Variants in MYBPC1 observed in about 807,000 individuals in gnomAD.
MYBPC1 encodes the protein myosin binding protein C1.
MYBPC1 carries 52 observed loss-of-function variants against 147.1 expected under a neutral mutation model. That is an observed-to-expected ratio of 0.35 (90% CI 0.28 to 0.45). The LOEUF (loss-of-function observed/expected upper bound fraction) is 0.45, where lower values mean the gene tolerates loss of function less well. MYBPC1 is among the 20% of genes least tolerant of loss of function. MYBPC1 has a pLI of 1.00. For missense variants in MYBPC1, 1,228 were observed against 1,440.3 expected (o/e 0.85, Z 2.39); for synonymous variants, 477 against 475.9 (o/e 1.00, Z -0.03).
intron 3 of MYBPC1, among the ~76,000 whole-genome samples, chr12:101,626,088 CAAAAAAA>C (rs769008600): frequency 1.5e-4 from 8 of 55,076 alleles, no homozygotes; most frequent in Non-Finnish European, 2.8e-4. Flanking sequence ...AACTCTGTCT[CAAAAAAA>C]AAAAAAAAAA....
chr12:101,612,185 T>C (rs1028537486), intron 1 of MYBPC1, among the ~76,000 whole-genome samples: 10 of 152,144 alleles, frequency 6.6e-5, no homozygotes, highest in African/African-American at 2.2e-4. Flanking sequence ...AGTTCAATTA[T>C]AGAGCTCTTT....
At chr12:101,598,701 G>T (rs1286567935) in intron 1 of MYBPC1, among the ~76,000 whole-genome samples, 4 of 152,076 alleles carry the variant, frequency 2.6e-5, no homozygotes, top group Non-Finnish European at 5.9e-5. Flanking sequence ...AGCCTCCCCG[G>T]TAGCTAGGAC....
At chr12:101,674,626 T>C (rs1312190982) in intron 25 of MYBPC1, among the ~76,000 whole-genome samples, 1 of 151,844 alleles carries the variant, frequency 6.6e-6, no homozygotes. Flanking sequence ...ACCAGCACTT[T>C]GGGAGGTGGG....
rs2293467 is a variant in MYBPC1, at chr12:101,629,318, C to G, written c.179-116C>G. The G allele has an allele frequency of 1.2e-5, 9 of 742,620 alleles. No homozygotes were observed. The East Asian group carries it at 2.3e-4, about 19-fold the overall frequency. 46.0% of individuals were successfully genotyped at this position (742,620 alleles called of 1,614,324 possible). A position where few individuals can be genotyped will look rare whatever the true frequency, so the allele number is the denominator to read the frequency against. On this transcript the variant is annotated intron_variant, in intron 5 of 31. Transcript: ENST00000361466. ...GCAGAAAGAATGATGTTGTATTTATCTAGGTTTATTAGACAAAGAAAAGCT... is the reference window on the plus strand; with the variant it reads ...GCAGAAAGAATGATGTTGTATTTATGTAGGTTTATTAGACAAAGAAAAGCT...
At chr12:101,601,872 G>A (rs1032704163) in intron 1 of MYBPC1, among the ~76,000 whole-genome samples, 3 of 151,884 alleles carry the variant, frequency 2.0e-5, no homozygotes, top group African/African-American at 4.8e-5. Context: ...AATGAATCTT[G>A]GAACAGAATG....
chr12:101,669,057 A>G (rs1020957512), intron 23 of MYBPC1, among the ~76,000 whole-genome samples: 3 of 152,178 alleles, frequency 2.0e-5, no homozygotes. Context: ...ACTGCACTTC[A>G]GCCTGGGTGA....
At chr12:101,676,960 T>C (rs1188523268) in intron 26 of MYBPC1, among the ~76,000 whole-genome samples, 1 of 152,110 alleles carries the variant, frequency 6.6e-6, no homozygotes, top group South Asian at 2.1e-4. Flanking sequence ...TGAAAAAATA[T>C]AAAGATAGTA....
Position 101,662,546 on chromosome 12 carries a change from G to A in MYBPC1, c.2221G>A (p.Ala741Thr). 1 of 1,613,932 alleles carries A rather than the reference G, an allele frequency of 6.2e-7. No homozygotes were observed. ...SMPSRPFVPL[A>T]VTSPPTLLTV... is the part of the protein sequence containing the mutation. ...GCCCTCCAGGCCTTTTGTTCCTTTG[G>A]GTAAGTCAAGAGAGATGAGTCTTTG... The change falls in exon 21 of 32, where the codon GCT becomes ACT. Residue 741 changes from alanine (A) to threonine (T), a missense_variant and splice_region_variant. Ala to Thr is a moderately conservative substitution (Grantham distance 58). Coordinates refer to ENST00000361466, the MANE Select transcript of MYBPC1 (RefSeq NM_002465.4).
chr12:101,693,552 C>T, the MYBPC1 span, among the ~76,000 whole-genome samples: 3 of 152,050 alleles, frequency 2.0e-5, no homozygotes, highest in African/African-American at 7.2e-5. Context: ...ACCAGCCTGG[C>T]CAACATGGCG....
At chr12:101,654,308 C>A (rs577213693) in intron 18 of MYBPC1, among the ~76,000 whole-genome samples, 61 of 152,278 alleles carry the variant, frequency 4.0e-4, no homozygotes, top group African/African-American at 1.4e-3. Flanking sequence ...GATTTACCTA[C>A]TCACTTGAAA....
At chr12:101,626,207 C>G (rs1339775270) in intron 3 of MYBPC1, among the ~76,000 whole-genome samples, 4 of 149,934 alleles carry the variant, frequency 2.7e-5, no homozygotes, top group African/African-American at 9.8e-5. Context: ...AAAATGTGAA[C>G]TTTGAAGTTC....
intron 23 of MYBPC1, 149 bp downstream of exon 23, chr12:101,668,048 T>A (rs1897823350): frequency 5.1e-6 from 5 of 989,778 alleles, no homozygotes; most frequent in Admixed American, 2.1e-5. Flanking sequence ...GAGTTAGAAC[T>A]TAATAAAGCA....
In MYBPC1 at chr12:101,680,447, C is replaced by A; in HGVS notation, c.3351C>A (p.Ser1117Arg). The A allele has an allele frequency of 3.1e-6, 5 of 1,614,106 alleles. No homozygotes were observed. Among genetic ancestry groups the A allele is most frequent in the Non-Finnish European group, 4.2e-6 (5 of 1,179,970 alleles). ...GTACCCTGGAAATTCGCAAGCCCAGCCCCTATGATGGAGGCACTTACTGCT... is the reference window on the plus strand; with the variant it reads ...GTACCCTGGAAATTCGCAAGCCCAGACCCTATGATGGAGGCACTTACTGCT... ...GVCTLEIRKP[S>R]PYDGGTYCCK... Residue 1117 changes from serine (S) to arginine (R), a missense_variant, in exon 29 of 32, where the codon AGC becomes AGA. This residue lies in a region of MYBPC1 where 1,077 missense variants were observed against 1,314.2 expected (regional missense o/e 0.82). Transcript: ENST00000361466.
In MYBPC1 at chr12:101,631,534, G is replaced by T. The variant is rs750466179; in HGVS notation, c.290-37G>T. On this transcript the variant is annotated intron_variant, in intron 6 of 31. Coordinates refer to ENST00000361466, the MANE Select transcript of MYBPC1 (RefSeq NM_002465.4). The stretch of plus-strand genomic sequence containing the variant: ...GTTGAAAGCAAAACAAATGACGCTT[G>T]TTAAAGAGCAAGCTGAATCCCTTAT... The T allele has an allele frequency of 2.5e-6, 4 of 1,611,402 alleles. No homozygotes were observed. The South Asian group carries it at 4.4e-5, about 18-fold the overall frequency.
At chr12:101,626,088 C>CAAAAAAAAA (rs769008600) in intron 3 of MYBPC1, among the ~76,000 whole-genome samples, 5,919 of 54,606 alleles carry the variant, frequency 0.11, 392 homozygotes, top group Non-Finnish European at 0.14. Flanking sequence ...AACTCTGTCT[C>CAAAAAAAAA]AAAAAAAAAA....
chr12:101,597,710 C>T (rs7962614), intron 1 of MYBPC1, among the ~76,000 whole-genome samples: 71 of 152,280 alleles, frequency 4.7e-4, no homozygotes, highest in African/African-American at 1.7e-3. Flanking sequence ...GTAACCACTT[C>T]CCATTGTTCT....
intron 10 of MYBPC1, among the ~76,000 whole-genome samples, chr12:101,637,745 TTC>T (rs929397954): frequency 1.2e-4 from 19 of 152,312 alleles, no homozygotes; most frequent in Non-Finnish European, 2.4e-4. Context: ...ATTGTGTTTA[TTC>T]TCTGTTTAGT....
chr12:101,600,383 A>G (rs1018262219), intron 1 of MYBPC1: 1 of 152,182 alleles, frequency 6.6e-6, no homozygotes, highest in Non-Finnish European at 1.5e-5. Flanking sequence ...TCCCCGAATC[A>G]AACATGAATG....
In MYBPC1 at chr12:101,655,817, G is replaced by C. The variant is rs2136351838; in HGVS notation, c.1767+2569G>C. ...CTTCAGAAAAAGGAAAATAATATAG[G>C]TCAGAAACTCAGATCTACATAAAGA... On this transcript the variant is annotated intron_variant, in intron 18 of 31. Coordinates refer to ENST00000361466, the MANE Select transcript of MYBPC1 (RefSeq NM_002465.4). Among the ~76,000 whole-genome samples the C allele has an allele frequency of 2.6e-5, 4 of 152,236 alleles. No individual in the cohort carries two copies. The Middle Eastern group carries it at 0.01, about 388-fold the overall frequency.
Sources: allele counts gnomAD v4.1 joint callset (sites outside exome capture counted in the v4.1 genomes callset), GRCh38; gene constraint gnomAD v4.1.1; regional missense constraint gnomAD v4.1.1; transcripts MANE v1.5; gene names NCBI Gene and HGNC (gene_info 2026-07-23, HGNC 2026-07-21).